TGFB3: variants seen among roughly 807,000 people sequenced by gnomAD.
TGFB3 encodes transforming growth factor beta-3 proprotein.
Under a neutral mutation model 40.1 loss-of-function variants are expected in TGFB3, and 5 were observed. The observed-to-expected ratio is 0.12, with a 90% CI of 0.07 to 0.26. The LOEUF is 0.26. Among genes scored for constraint, TGFB3 ranks in the 10% least tolerant of loss-of-function variants. The pLI, the probability that TGFB3 is intolerant of heterozygous loss-of-function variation, is 1.00. For synonymous variants in TGFB3, 184 were observed against 205.6 expected (o/e 0.89, Z 0.90); for missense variants, 373 against 530.1 (o/e 0.70, Z 2.91).
chr14:75,959,651 A>G (rs542129209), intron 6 of TGFB3, among the ~76,000 whole-genome samples: 4 of 152,012 alleles, frequency 2.6e-5, no homozygotes, highest in African/African-American at 9.7e-5. Flanking sequence ...GGCGCCTGTA[A>G]TCCCAGCTAC....
At chr14:75,968,775 C>G (rs1262718992) in intron 3 of TGFB3, among the ~76,000 whole-genome samples, 1 of 152,208 alleles carries the variant, frequency 6.6e-6, no homozygotes, top group Non-Finnish European at 1.5e-5. Context: ...CATCTGCCAA[C>G]TCAGCCACTG....
Position 75,971,520 on chromosome 14 carries a change from C to G in TGFB3, c.516+35G>C, listed in dbSNP as rs562495124. Reference sequence around the variant, plus strand: ...GATATGGCAAAGGAACCAGCTTTCCCGTCGGTGTGGTTTCTGCTCTGAGAG... The same window carrying G: ...GATATGGCAAAGGAACCAGCTTTCCGGTCGGTGTGGTTTCTGCTCTGAGAG... On this transcript the variant is annotated intron_variant, in intron 2 of 6. Coordinates refer to ENST00000238682, the MANE Select transcript of TGFB3 (RefSeq NM_003239.5). The surrounding 1 kb of genome is among the most constrained non-coding windows in gnomAD (Gnocchi z 4.5). 6.2e-7 allele frequency: 1 copy of G among 1,612,738 alleles called. No homozygotes were observed. Among genetic ancestry groups the G allele is most frequent in the Admixed American group, 1.7e-5 (1 of 59,914 alleles).
At chr14:75,970,959 A>G in intron 3 of TGFB3, 167 bp downstream of exon 3, 1 of 973,580 alleles carries the variant, frequency 1.0e-6, no homozygotes, top group Admixed American at 1.9e-5. Flanking sequence ...TACAGTGAGC[A>G]TTTAATAAAC....
rs557500783 is a variant in TGFB3 at position 75,974,776 on chromosome 14, A to AG, written c.353-3059_353-3058insC. On this transcript the variant is annotated intron_variant, in intron 1 of 6. Transcript: ENST00000238682. The stretch of plus-strand genomic sequence containing the variant: ...TGAGACTCCATCTCAAAAAAAAAAA[A>AG]AAAAAGAAGAAGAAGAAGAAGAATT... 5.6e-3 allele frequency among the ~76,000 whole-genome samples: 835 copies of AG among 150,260 alleles called. 10 individuals carry two copies. The highest frequency in any genetic ancestry group is 0.029 in the South Asian group (137 of 4,690).
Position 75,959,101 on chromosome 14 carries a change from G to A in TGFB3, c.*86C>T. On this transcript the variant is annotated 3_prime_UTR_variant, in exon 7 of 7. Coordinates refer to ENST00000238682, the MANE Select transcript of TGFB3 (RefSeq NM_003239.5). ...GGTTGTGGGCTCCAGGCCTCTCAGT[G>A]AGGTTTGTTGCTTGTGTGTTTCCCG... The A allele has an allele frequency of 6.4e-7, 1 of 1,574,486 alleles. No individual in the cohort carries two copies.
chr14:75,960,798 G>T (rs1421714960), intron 6 of TGFB3, 125 bp downstream of exon 6: 1 of 1,324,176 alleles, frequency 7.6e-7, no homozygotes, highest in Non-Finnish European at 1.1e-6. Context: ...ACCTTCACCA[G>T]AGGAATTTTA....
chr14:75,971,262 G>A lies in TGFB3; in HGVS notation c.517-7C>T. On this transcript the variant is annotated splice_region_variant and splice_polypyrimidine_tract_variant and intron_variant, in intron 2 of 6. Transcript: ENST00000238682. The surrounding 1 kb of genome is among the most constrained non-coding windows in gnomAD (Gnocchi z 4.5). Reference sequence around the variant, plus strand: ...GCTCATCTGGCCGAAGGATCTACAGGGCAGAGAAAGGAGTGAGTACCCGAG... The same window carrying A: ...GCTCATCTGGCCGAAGGATCTACAGAGCAGAGAAAGGAGTGAGTACCCGAG... 1 of 1,614,110 alleles carries A rather than the reference G, an allele frequency of 6.2e-7. No individual in the cohort carries two copies.
intron 5 of TGFB3, among the ~76,000 whole-genome samples, chr14:75,962,584 C>G (rs887443751): frequency 7.2e-5 from 11 of 152,238 alleles, no homozygotes; most frequent in African/African-American, 2.4e-4. Context: ...CAAACCTCAT[C>G]CTTGAAGCCT....
intron 1 of TGFB3, among the ~76,000 whole-genome samples, chr14:75,973,990 A>G (rs894410124): frequency 1.3e-5 from 2 of 152,126 alleles, no homozygotes; most frequent in Non-Finnish European, 2.9e-5. Context: ...AAATATGAAA[A>G]TTAGCCAGGC....
chr14:75,971,182 G>A lies in TGFB3; in HGVS notation c.590C>T (p.Ala197Val), dbSNP rs772252884. ...GGKNLPTRGT[A>V]EWLSFDVTDT... ...AGTGACATCAAAGGACAGCCACTCG[G>A]CAGTGCCCCGTGTGGGCAGATTCTT... The change falls in exon 3 of 7, where the codon GCC (alanine) becomes GTC (valine). Residue 197 changes from alanine to valine, a missense_variant. Ala to Val is a moderately conservative substitution (Grantham distance 64). Coordinates refer to ENST00000238682, the MANE Select transcript of TGFB3 (RefSeq NM_003239.5). The surrounding 1 kb of genome is among the most constrained non-coding windows in gnomAD (Gnocchi z 4.5). The A allele has an allele frequency of 6.2e-7, 1 of 1,614,130 alleles. No individual in the cohort carries two copies. The highest frequency in any genetic ancestry group is 8.5e-7 in the Non-Finnish European group (1 of 1,180,026).
At chr14:75,966,224 A>G (rs1456294311) in intron 3 of TGFB3, 1 of 183,586 alleles carries the variant, frequency 5.4e-6, no homozygotes, top group Non-Finnish European at 1.2e-5. Context: ...AAAAAGCCAC[A>G]GGATGTAATG....
chr14:75,965,363 T>G (rs1325026779), intron 4 of TGFB3, among the ~76,000 whole-genome samples: 1 of 152,240 alleles, frequency 6.6e-6, no homozygotes. Context: ...CACTTACCAG[T>G]ACGTGTTGTC....
rs755084678 is a variant in TGFB3 at position 75,960,963 on chromosome 14, G to C, written c.1040C>G (p.Pro347Arg). 1 of 1,614,242 alleles carries C rather than the reference G, an allele frequency of 6.2e-7. No homozygotes were observed. The highest frequency in any genetic ancestry group is 1.1e-5 in the South Asian group (1 of 91,088). The change falls in exon 6 of 7, where the codon CCT becomes CGT. Residue 347 changes from proline (P) to arginine (R), a missense_variant. Pro to Arg is a moderately radical substitution (Grantham distance 103). Coordinates refer to ENST00000238682, the MANE Select transcript of TGFB3 (RefSeq NM_003239.5). The part of the protein sequence containing the change: ...KGYYANFCSG[P>R]CPYLRSADTT... ...GTCTGCACTGCGGAGGTATGGGCAA[G>C]GGCCTGAGCAGAAGTTGGCATAGTA...
chr14:75,976,208 T>C (rs2035351979), intron 1 of TGFB3, among the ~76,000 whole-genome samples: 1 of 152,212 alleles, frequency 6.6e-6, no homozygotes, highest in African/African-American at 2.4e-5. Flanking sequence ...GTGGCTGTAC[T>C]TCTCTACCCT....
At position 75,980,954 on chromosome 14, in the gene TGFB3, A is replaced by C; in HGVS notation, c.-61T>G. On this transcript the variant is annotated 5_prime_UTR_variant, in exon 1 of 7. Coordinates refer to ENST00000238682, the MANE Select transcript of TGFB3 (RefSeq NM_003239.5). This position sits in a 1 kb window ranked among gnomAD's most constrained non-coding sequence, Gnocchi z 4.3. The stretch of plus-strand genomic sequence containing the variant: ...GGCCTGGAGAGGAAGAGACCCCAGC[A>C]GACGTGCAGAAGGAGGGAGGAAAAC... 1 of 1,509,246 alleles carries C rather than the reference A, an allele frequency of 6.6e-7. No individual in the cohort carries two copies. Among genetic ancestry groups the C allele is most frequent in the Non-Finnish European group, 9.2e-7 (1 of 1,089,642 alleles). 93.5% of individuals were successfully genotyped at this position (1,509,246 alleles called of 1,614,324 possible).
Position 75,973,655 on chromosome 14 carries a change from G to A in TGFB3, c.353-1937C>T, listed in dbSNP as rs566052093. On this transcript the variant is annotated intron_variant, in intron 1 of 6. Coordinates refer to ENST00000238682, the MANE Select transcript of TGFB3 (RefSeq NM_003239.5). ...CTTCAGTTACAATAGCACCTGCTGG[G>A]AGGATCACTTGAGCTCGGGAGGTCC... 1.1e-4 allele frequency among the ~76,000 whole-genome samples: 16 copies of A among 152,354 alleles called. No individual in the cohort carries two copies. In the South Asian group the frequency reaches 3.3e-3, roughly 32 times the overall value.
chr14:75,959,082 G>C lies in TGFB3; in HGVS notation c.*105C>G, dbSNP rs1292297969. On this transcript the variant is annotated 3_prime_UTR_variant, in exon 7 of 7. Transcript: ENST00000238682. ...CCATTTGCCCGGAGCCGAAGGTTGT[G>C]GGCTCCAGGCCTCTCAGTGAGGTTT... is the stretch of plus-strand genomic sequence containing the variant. 6.9e-7 allele frequency: 1 copy of C among 1,448,590 alleles called. No homozygotes were observed. Among genetic ancestry groups the C allele is most frequent in the African/African-American group, 1.4e-5 (1 of 71,572 alleles). 89.7% of individuals were successfully genotyped at this position (1,448,590 alleles called of 1,614,324 possible). A position where few individuals can be genotyped will look rare whatever the true frequency, so the allele number is the denominator to read the frequency against.
chr14:75,960,661 GT>G (rs1431300651), intron 6 of TGFB3, among the ~76,000 whole-genome samples: 1 of 152,234 alleles, frequency 6.6e-6, no homozygotes, highest in African/African-American at 2.4e-5. Context: ...ACACGTGGCA[GT>G]TAATTAATTT....
At chr14:75,961,204 A>T in intron 5 of TGFB3, 128 bp from the exon 6 acceptor site, 1 of 1,080,468 alleles carries the variant, frequency 9.3e-7, no homozygotes, top group Admixed American at 2.0e-5. Flanking sequence ...ATGGAATCCC[A>T]GGTTCAAGGG....
Sources: allele counts gnomAD v4.1 joint callset (sites outside exome capture counted in the v4.1 genomes callset), GRCh38; gene constraint gnomAD v4.1.1; non-coding constraint Gnocchi (gnomAD v3.1); transcripts MANE v1.5; gene names NCBI Gene and HGNC (gene_info 2026-07-23, HGNC 2026-07-21).